Variants in KLHL1 observed in about 807,000 individuals in gnomAD.
KLHL1 encodes the protein kelch-like protein 1.
KLHL1 carries 47 observed loss-of-function variants against 77.7 expected under a neutral mutation model. The ratio of observed to expected loss-of-function variants is 0.60; its 90% CI spans 0.48 to 0.77. The LOEUF (loss-of-function observed/expected upper bound fraction) is 0.77. KLHL1 is among the 30% of genes least tolerant of loss of function. The probability of loss-of-function intolerance (pLI) is 0.00; values close to 1 mark genes in which losing one functional copy is unlikely to be tolerated. For missense variants in KLHL1, 925 were observed against 910.8 expected, an observed-to-expected ratio of 1.02 and a Z score of -0.20; for synonymous variants, 360 against 325.2, an observed-to-expected ratio of 1.11 and a Z score of -1.15.
chr13:69,721,873 A>G (rs1184074708), intron 8 of KLHL1, among the ~76,000 whole-genome samples: 1 of 152,102 alleles, frequency 6.6e-6, no homozygotes, highest in Non-Finnish European at 1.5e-5. Flanking sequence ...GGAACATTTT[A>G]AAAAACAAGT....
At chr13:70,049,869 C>T (rs967189727) in intron 1 of KLHL1, among the ~76,000 whole-genome samples, 1 of 151,982 alleles carries the variant, frequency 6.6e-6, no homozygotes, top group Non-Finnish European at 1.5e-5. Flanking sequence ...TACTTCTACT[C>T]TTCTGACAGA....
At chr13:70,050,834 C>T (rs1430036129) in intron 1 of KLHL1, among the ~76,000 whole-genome samples, 1 of 151,704 alleles carries the variant, frequency 6.6e-6, no homozygotes, top group Non-Finnish European at 1.5e-5. Context: ...GACACTTTAC[C>T]ATTTTGTAAG....
At chr13:70,063,754 T>C (rs766877100) in intron 1 of KLHL1, among the ~76,000 whole-genome samples, 2 of 152,070 alleles carry the variant, frequency 1.3e-5, no homozygotes, top group Non-Finnish European at 2.9e-5. Context: ...TAGTACTTCA[T>C]TGGTGATAAT....
At chr13:70,026,855 TA>T (rs11296959) in intron 1 of KLHL1, among the ~76,000 whole-genome samples, 29,362 of 151,550 alleles carry the variant, frequency 0.19, 3,473 homozygotes, top group East Asian at 0.55. Context: ...AAGTATATAT[TA>T]AAAAAAGACA....
chr13:70,057,852 A>T (rs894658647), intron 1 of KLHL1, among the ~76,000 whole-genome samples: 1 of 151,948 alleles, frequency 6.6e-6, no homozygotes, highest in Non-Finnish European at 1.5e-5. Flanking sequence ...TCTCTGATGA[A>T]TATTGATGCA....
At chr13:69,846,933 T>C (rs984106611) in intron 5 of KLHL1, among the ~76,000 whole-genome samples, 1 of 151,460 alleles carries the variant, frequency 6.6e-6, no homozygotes, top group Non-Finnish European at 1.5e-5. Context: ...GATGCATCAT[T>C]CAAGTATCTA....
chr13:70,075,580 TATATATATACAC>T (rs1887244455), intron 1 of KLHL1, among the ~76,000 whole-genome samples: 1 of 110,414 alleles, frequency 9.1e-6, no homozygotes, highest in East Asian at 2.8e-4. Flanking sequence ...TATATATATA[TATATATATACAC>T]ACACACACAT....
At chr13:69,805,019 C>T (rs4344608) in intron 6 of KLHL1, among the ~76,000 whole-genome samples, 57,656 of 151,408 alleles carry the variant, frequency 0.38, 11,254 homozygotes, top group African/African-American at 0.47. Context: ...ATTCATATTT[C>T]TCTGAAAAAT....
intron 5 of KLHL1, among the ~76,000 whole-genome samples, chr13:69,877,867 A>T (rs1880826351): frequency 6.6e-6 from 1 of 152,100 alleles, no homozygotes; most frequent in Non-Finnish European, 1.5e-5. Flanking sequence ...AATTACCATA[A>T]CTTAATGTGC....
At chr13:69,896,110 G>T (rs1024655002) in intron 4 of KLHL1, among the ~76,000 whole-genome samples, 6 of 152,014 alleles carry the variant, frequency 3.9e-5, no homozygotes, top group African/African-American at 1.2e-4. Context: ...TTGCCTGGAG[G>T]TCACTCAGCT....
At chr13:69,919,199 C>T (rs979053769) in intron 4 of KLHL1, among the ~76,000 whole-genome samples, 1 of 152,140 alleles carries the variant, frequency 6.6e-6, no homozygotes, top group African/African-American at 2.4e-5. Flanking sequence ...GGTATTTTCT[C>T]TTCTATACTG....
rs112709566 is a variant in KLHL1 at position 69,983,699 on chromosome 13, A to C, written c.498-7897T>G. ...GGAGGGTCGCTTGAGCCCAGGAGTT[A>C]AGAGTCGGCAATGACCTGTACTCAC... On this transcript the variant is annotated intron_variant, in intron 1 of 10. Transcript: ENST00000377844. 2.0e-3 allele frequency among the ~76,000 whole-genome samples: 308 copies of C among 151,912 alleles called. 1 individual carries two copies. Among genetic ancestry groups the C allele is most frequent in the African/African-American group, 7.1e-3 (295 of 41,436 alleles).
Position 70,107,496 on chromosome 13 carries a change from G to C in KLHL1, c.204C>G (p.Phe68Leu). The C allele has an allele frequency of 6.2e-7, 1 of 1,611,038 alleles. No homozygotes were observed. Among genetic ancestry groups the C allele is most frequent in the Non-Finnish European group, 8.5e-7 (1 of 1,179,768 alleles). The part of the protein sequence containing the change: ...KSQERSGVST[F>L]WKKPSSSSSS... ...AGGAAGAGGAGGAAGGCTTCTTCCA[G>C]AAAGTGCTCACACCGCTTCTCTCTT... The change falls in exon 1 of 11, where the codon TTC becomes TTG. Residue 68 changes from phenylalanine to leucine, a missense_variant. By Grantham distance (22) the Phe-to-Leu change is conservative (BLOSUM62 0). Transcript: ENST00000377844.
intron 6 of KLHL1, among the ~76,000 whole-genome samples, chr13:69,818,294 C>T (rs1043429741): frequency 6.9e-6 from 1 of 144,788 alleles, no homozygotes; most frequent in African/African-American, 2.7e-5. Context: ...GATCTCAGCT[C>T]ACTGCAACCT....
At chr13:69,874,561 A>G (rs1024275576) in intron 5 of KLHL1, among the ~76,000 whole-genome samples, 2 of 152,138 alleles carry the variant, frequency 1.3e-5, no homozygotes, top group Non-Finnish European at 2.9e-5. Flanking sequence ...TATTTCTTTT[A>G]CTTACAAATT....
chr13:69,916,395 G>T (rs1206453701), intron 4 of KLHL1, among the ~76,000 whole-genome samples: 1 of 151,952 alleles, frequency 6.6e-6, no homozygotes, highest in Non-Finnish European at 1.5e-5. Context: ...ATACACCATG[G>T]AATACTATGC....
Position 69,805,982 on chromosome 13 carries a change from A to G in KLHL1, c.1415-9020T>C, listed in dbSNP as rs534359792. Reference sequence around the variant, plus strand: ...AACCCTATCAGATATTAAAAAGTATATAACTATAGCGTTTTCTTTAAACAA... The same window carrying G: ...AACCCTATCAGATATTAAAAAGTATGTAACTATAGCGTTTTCTTTAAACAA... On this transcript the variant is annotated intron_variant, in intron 6 of 10. Transcript: ENST00000377844. Among the ~76,000 whole-genome samples the G allele has an allele frequency of 2.1e-4, 32 of 152,246 alleles. 1 individual carries two copies. The South Asian group carries it at 6.0e-3, about 29-fold the overall frequency.
chr13:69,734,757 C>T (rs1873693862), intron 8 of KLHL1, among the ~76,000 whole-genome samples: 1 of 152,072 alleles, frequency 6.6e-6, no homozygotes, highest in Admixed American at 6.6e-5. Flanking sequence ...TGATATGTGA[C>T]TGCCATCTGT....
At chr13:69,848,184 C>G (rs1879545119) in intron 5 of KLHL1, among the ~76,000 whole-genome samples, 1 of 151,506 alleles carries the variant, frequency 6.6e-6, no homozygotes, top group African/African-American at 2.4e-5. Context: ...CCTTCCCCAC[C>G]TTTCAGACTT....
Sources: gnomAD v4.1 joint callset for allele counts (sites outside exome capture counted in the v4.1 genomes callset) on GRCh38, gnomAD v4.1.1 for gene constraint, MANE v1.5 for transcripts, NCBI Gene and HGNC (gene_info 2026-07-23, HGNC 2026-07-21) for gene names.